Variants in ATG14 observed in about 807,000 individuals in gnomAD.
ATG14 encodes autophagy related 14.
Under a neutral mutation model 60.4 loss-of-function variants are expected in ATG14, and 35 were observed. The ratio of observed to expected loss-of-function variants is 0.58; its 90% confidence interval spans 0.44 to 0.77. ATG14 has a LOEUF of 0.77. Among genes scored for constraint, ATG14 ranks in the 30% least tolerant of loss-of-function variants. ATG14 has a pLI of 0.00. For synonymous variants in ATG14, 234 were observed against 228.8 expected (o/e 1.02, Z -0.21); for missense variants, 647 against 626.3 (o/e 1.03, Z -0.35).
At chr14:55,375,526 T>G (rs1884903425) in intron 9 of ATG14, among the ~76,000 whole-genome samples, 1 of 147,652 alleles carries the variant, frequency 6.8e-6, no homozygotes, top group African/African-American at 2.5e-5. Flanking sequence ...TTACTTTTTG[T>G]AGACATGGAG....
chr14:55,401,126 T>A (rs942830900), intron 1 of ATG14, among the ~76,000 whole-genome samples: 3 of 152,008 alleles, frequency 2.0e-5, no homozygotes, highest in African/African-American at 7.2e-5. Flanking sequence ...TGGCCTCCCA[T>A]CCCTCCCTCT....
intron 1 of ATG14, among the ~76,000 whole-genome samples, chr14:55,402,945 ATATATATATATATATATAT>A (rs1566585704): frequency 7.2e-5 from 5 of 68,974 alleles, no homozygotes; most frequent in Admixed American, 6.0e-4. Context: ...ATATATATAT[ATATATATATATATATATAT>A]ATATAAATAG....
At chr14:55,397,341 C>A (rs778871463) in intron 2 of ATG14, 31 bp downstream of exon 2, 1 of 1,592,744 alleles carries the variant, frequency 6.3e-7, no homozygotes, top group Non-Finnish European at 8.6e-7. Flanking sequence ...AGATCACCTC[C>A]ACAAATTAAA....
At chr14:55,401,054 A>C (rs1885390334) in intron 1 of ATG14, among the ~76,000 whole-genome samples, 1 of 152,078 alleles carries the variant, frequency 6.6e-6, no homozygotes, top group Non-Finnish European at 1.5e-5. Flanking sequence ...CACCAACAGC[A>C]CCTGTTTTCT....
At chr14:55,401,227 T>C (rs1397793431) in intron 1 of ATG14, among the ~76,000 whole-genome samples, 1 of 148,020 alleles carries the variant, frequency 6.8e-6, no homozygotes, top group Non-Finnish European at 1.5e-5. Flanking sequence ...CTGATTTTTC[T>C]TGTTATTTCC....
chr14:55,371,046 C>T (rs1884805899), intron 9 of ATG14, among the ~76,000 whole-genome samples: 1 of 152,206 alleles, frequency 6.6e-6, no homozygotes, highest in Non-Finnish European at 1.5e-5. Context: ...CACCCACTGC[C>T]TTCCAGGGAA....
intron 1 of ATG14, among the ~76,000 whole-genome samples, chr14:55,397,843 A>G (rs1011296858): frequency 3.3e-5 from 5 of 152,028 alleles, no homozygotes; most frequent in Non-Finnish European, 7.4e-5. Flanking sequence ...ATTTTTAAAA[A>G]TTGTAGACTT....
intron 1 of ATG14, among the ~76,000 whole-genome samples, chr14:55,405,690 C>G (rs1885477304): frequency 6.6e-6 from 1 of 152,226 alleles, no homozygotes; most frequent in Non-Finnish European, 1.5e-5. Context: ...TGGTGTCAGA[C>G]AAATACATAA....
In ATG14 at chr14:55,367,101, G is replaced by A. The variant is rs1884696298; in HGVS notation, c.*2518C>T. ...GTTCCCACATCTTTGTAAATTTTGT[G>A]GAAGTACTCTAGATGAGTTTGTGAT... On this transcript the variant is annotated 3_prime_UTR_variant, in exon 10 of 10. Transcript: ENST00000247178. 1 of 152,504 alleles carries A rather than the reference G, an allele frequency of 6.6e-6. No homozygotes were observed. Among genetic ancestry groups the A allele is most frequent in the Admixed American group, 6.6e-5 (1 of 15,262 alleles). 9.4% of individuals were successfully genotyped at this position (152,504 alleles called of 1,614,324 possible). A position where few individuals can be genotyped will look rare whatever the true frequency, so the allele number is the denominator to read the frequency against.
Position 55,380,638 on chromosome 14 carries a change from T to C in ATG14, c.930A>G (p.Ala310=). 1 of 1,613,592 alleles carries C rather than the reference T, an allele frequency of 6.2e-7. No individual in the cohort carries two copies. The highest frequency in any genetic ancestry group is 8.5e-7 in the Non-Finnish European group (1 of 1,179,834). Residue 310 remains alanine (A), a synonymous_variant, in exon 7 of 10, where the codon GCA becomes GCG. Coordinates refer to ENST00000247178, the MANE Select transcript of ATG14 (RefSeq NM_014924.5). Reference sequence around the variant, plus strand: ...GAGACAGAATGTTGACCAGCTGAGTTGCATAGCACAGCGCAGCACTGATGG... The same window carrying C: ...GAGACAGAATGTTGACCAGCTGAGTCGCATAGCACAGCGCAGCACTGATGG... ...AYTISAALCY[A]TQLVNILSHI...
intron 9 of ATG14, 96 bp from the exon 10 acceptor site, chr14:55,370,021 G>C (rs1356897255): frequency 1.6e-6 from 2 of 1,218,826 alleles, no homozygotes; most frequent in Admixed American, 2.4e-5. Context: ...GAGGGGATGA[G>C]GGACGCCGCA....
At chr14:55,400,491 C>T (rs1203843330) in intron 1 of ATG14, among the ~76,000 whole-genome samples, 1 of 152,186 alleles carries the variant, frequency 6.6e-6, no homozygotes, top group African/African-American at 2.4e-5. Context: ...TTATATAAAC[C>T]TCTACAGGTG....
intron 3 of ATG14, chr14:55,395,232 A>C (rs971373987): frequency 5.5e-6 from 2 of 362,844 alleles, no homozygotes; most frequent in African/African-American, 2.2e-5. Context: ...CCTCTTGGGC[A>C]TCCTGGCTGC....
In ATG14 at chr14:55,368,132, A is replaced by G. The variant is rs909970196; in HGVS notation, c.*1487T>C. 1 of 152,618 alleles carries G rather than the reference A, an allele frequency of 6.6e-6. No individual in the cohort carries two copies. Among genetic ancestry groups the G allele is most frequent in the African/African-American group, 2.4e-5 (1 of 41,438 alleles). 9.5% of individuals were successfully genotyped at this position (152,618 alleles called of 1,614,324 possible). A position where few individuals can be genotyped will look rare whatever the true frequency, so the allele number is the denominator to read the frequency against. On this transcript the variant is annotated 3_prime_UTR_variant, in exon 10 of 10. Transcript: ENST00000247178. ...AAATAAACTACTTACATATTTGTACATAATGCCTCTCTCATTATAGTTTTC... is the reference window on the plus strand; with the variant it reads ...AAATAAACTACTTACATATTTGTACGTAATGCCTCTCTCATTATAGTTTTC...
chr14:55,394,978 G>T, intron 3 of ATG14: 1 of 432,728 alleles, frequency 2.3e-6, no homozygotes, highest in Non-Finnish European at 4.6e-6. Flanking sequence ...CTTCAAAGGG[G>T]CTCTCCTCAG....
chr14:55,370,013 G>C, intron 9 of ATG14, 88 bp from the exon 10 acceptor site: 2 of 1,317,464 alleles, frequency 1.5e-6, no homozygotes, highest in Non-Finnish European at 2.1e-6. Flanking sequence ...CCTCACCTGA[G>C]GGGATGAGGG....
At chr14:55,409,406 C>A (rs1430768562) in intron 1 of ATG14, among the ~76,000 whole-genome samples, 2 of 152,154 alleles carry the variant, frequency 1.3e-5, no homozygotes, top group Non-Finnish European at 2.9e-5. Flanking sequence ...GAGTTTATAT[C>A]ACTGGGGTGG....
chr14:55,382,063 G>T lies in ATG14; in HGVS notation c.776C>A (p.Thr259Asn). 1 of 1,614,146 alleles carries T rather than the reference G, an allele frequency of 6.2e-7. No homozygotes were observed. ...CCAAGGCCCTGTAATGCTAATGCTG[G>T]TGTCTCCGTTGTGATCGTCACAGAC... ...RWVCDDHNGD[T>N]SISITGPWIS... is the part of the protein sequence containing the mutation. Residue 259 changes from threonine to asparagine, a missense_variant, in exon 6 of 10, where the codon ACC (threonine) becomes AAC (asparagine). By Grantham distance (65) the Thr-to-Asn change is moderately conservative (BLOSUM62 0). Transcript: ENST00000247178.
At chr14:55,397,830 T>G (rs1885336535) in intron 1 of ATG14, among the ~76,000 whole-genome samples, 1 of 152,060 alleles carries the variant, frequency 6.6e-6, no homozygotes, top group African/African-American at 2.4e-5. Flanking sequence ...TTCCTTATAA[T>G]AAATTTTTAA....
Sources: allele counts gnomAD v4.1 joint callset (sites outside exome capture counted in the v4.1 genomes callset), GRCh38; gene constraint gnomAD v4.1.1; transcripts MANE v1.5; gene names NCBI Gene and HGNC (gene_info 2026-07-23, HGNC 2026-07-21).